Variants in PAM observed in about 807,000 individuals in gnomAD.
The protein encoded by PAM is peptidyl-glycine alpha-amidating monooxygenase.
A neutral mutation model predicts 122.1 loss-of-function variants in PAM; 72 were observed. That is an observed-to-expected ratio of 0.59 (90% CI 0.49 to 0.72). The LOEUF is 0.72. Ranked by LOEUF, PAM falls within the 30% of genes least tolerant of loss-of-function variation. The probability of loss-of-function intolerance (pLI) is 0.00; values close to 1 mark genes in which losing one functional copy is unlikely to be tolerated. For missense variants in PAM, 1,106 were observed against 1,183.7 expected (o/e 0.93, Z 0.96); for synonymous variants, 389 against 404.4 (o/e 0.96, Z 0.46).
chr5:102,868,498 T>G (rs1406934988), intron 3 of PAM, among the ~76,000 whole-genome samples: 1 of 152,202 alleles, frequency 6.6e-6, no homozygotes, highest in Non-Finnish European at 1.5e-5. Context: ...TGACTTTCCA[T>G]GCATTCAGTT....
At chr5:102,787,741 A>G (rs1760934056) in intron 1 of PAM, among the ~76,000 whole-genome samples, 1 of 152,000 alleles carries the variant, frequency 6.6e-6, no homozygotes, top group East Asian at 1.9e-4. Flanking sequence ...GAGTGAATGG[A>G]AAATCCAACC....
Position 102,973,629 on chromosome 5 carries a change from C to T in PAM, c.1163-487C>T, listed in dbSNP as rs193070696. Among the ~76,000 whole-genome samples, 49 of 152,120 alleles carry T rather than the reference C, an allele frequency of 3.2e-4. 1 individual carries two copies. The highest frequency in any genetic ancestry group is 2.0e-4 in the Admixed American group (3 of 15,270). On this transcript the variant is annotated intron_variant, in intron 14 of 25. Coordinates refer to ENST00000438793, the MANE Select transcript of PAM (RefSeq NM_001177306.2). ...AGGTTTCCCAGTTGTCAAATGGATA[C>T]GTATTTACTTGTGTTTTACAGGAAA...
intron 1 of PAM, among the ~76,000 whole-genome samples, chr5:102,865,086 A>G (rs1248651202): frequency 2.0e-5 from 3 of 152,154 alleles, no homozygotes; most frequent in Non-Finnish European, 2.9e-5. Flanking sequence ...TAAAACTCCA[A>G]ACTTAGGAAA....
intron 3 of PAM, among the ~76,000 whole-genome samples, chr5:102,887,369 A>C (rs758858472): frequency 6.6e-6 from 1 of 151,968 alleles, no homozygotes; most frequent in African/African-American, 2.4e-5. Flanking sequence ...TCATGAGTTG[A>C]AGCAGCCTGA....
At chr5:103,015,962 AT>A (rs1781863378) in intron 21 of PAM, among the ~76,000 whole-genome samples, 1 of 152,232 alleles carries the variant, frequency 6.6e-6, no homozygotes, top group Non-Finnish European at 1.5e-5. Flanking sequence ...TTCTACAACC[AT>A]ATGTTTTACA....
At chr5:102,881,125 T>TACATACACACACACACACACACAC (rs1554098644) in intron 3 of PAM, among the ~76,000 whole-genome samples, 3 of 69,058 alleles carry the variant, frequency 4.3e-5, no homozygotes, top group African/African-American at 2.9e-4. Context: ...ATAATTTTTA[T>TACATACACACACACACACACACAC]ACATACACAC....
At chr5:102,948,786 A>G (rs1002577904) in intron 9 of PAM, among the ~76,000 whole-genome samples, 5 of 152,138 alleles carry the variant, frequency 3.3e-5, no homozygotes, top group African/African-American at 1.2e-4. Context: ...ATAAACTTCT[A>G]CATAGAAAGA....
intron 1 of PAM, among the ~76,000 whole-genome samples, chr5:102,766,370 GC>G (rs920022633): frequency 6.6e-6 from 1 of 152,100 alleles, no homozygotes; most frequent in Non-Finnish European, 1.5e-5. Flanking sequence ...ACATCATCAG[GC>G]ATTAGATTCT....
intron 1 of PAM, among the ~76,000 whole-genome samples, chr5:102,792,760 C>A (rs561472180): frequency 6.6e-6 from 1 of 152,260 alleles, no homozygotes; most frequent in Non-Finnish European, 1.5e-5. Flanking sequence ...GGTTTTCTTA[C>A]AAATCAGAAT....
chr5:102,775,974 C>A (rs118085962), intron 1 of PAM, among the ~76,000 whole-genome samples: 5,855 of 152,232 alleles, frequency 0.038, 254 homozygotes, highest in South Asian at 0.14. Flanking sequence ...AAAAACATTC[C>A]TATTTCTCCA....
At chr5:102,834,637 G>A (rs1776412729) in intron 1 of PAM, among the ~76,000 whole-genome samples, 1 of 152,070 alleles carries the variant, frequency 6.6e-6, no homozygotes, top group Non-Finnish European at 1.5e-5. Flanking sequence ...AGTGAGAGAG[G>A]AAACCACATG....
chr5:102,838,233 C>T (rs774119794), intron 1 of PAM: 1 of 151,894 alleles, frequency 6.6e-6, no homozygotes, highest in Admixed American at 6.6e-5. Context: ...TCTTTTAAGT[C>T]TGCATGTGAT....
chr5:102,793,683 C>A (rs950995399), intron 1 of PAM, among the ~76,000 whole-genome samples: 1 of 152,016 alleles, frequency 6.6e-6, no homozygotes, highest in Non-Finnish European at 1.5e-5. Context: ...ATAGAAATAT[C>A]CCTGGTCATT....
chr5:103,019,097 C>T (rs1782844605), intron 22 of PAM, among the ~76,000 whole-genome samples: 1 of 151,996 alleles, frequency 6.6e-6, no homozygotes, highest in African/African-American at 2.4e-5. Context: ...TTTATACCAC[C>T]CTAGTGGTTT....
intron 1 of PAM, among the ~76,000 whole-genome samples, chr5:102,801,191 G>A (rs1764616950): frequency 6.6e-6 from 1 of 151,858 alleles, no homozygotes; most frequent in South Asian, 2.1e-4. Context: ...TGATACTGAA[G>A]CTGAGCTATT....
intron 15 of PAM, among the ~76,000 whole-genome samples, chr5:102,987,325 G>C (rs1424943244): frequency 6.6e-6 from 1 of 152,074 alleles, no homozygotes; most frequent in Non-Finnish European, 1.5e-5. Flanking sequence ...ACTCATATGT[G>C]GAAGCTTAAA....
chr5:102,904,949 G>A (rs1297087850), intron 4 of PAM, among the ~76,000 whole-genome samples: 1 of 151,540 alleles, frequency 6.6e-6, no homozygotes, highest in Non-Finnish European at 1.5e-5. Context: ...ATTTACATAT[G>A]AGCATATAGC....
intron 3 of PAM, among the ~76,000 whole-genome samples, chr5:102,870,645 A>T (rs1336799179): frequency 6.6e-6 from 1 of 152,232 alleles, no homozygotes; most frequent in Middle Eastern, 3.2e-3. Flanking sequence ...ATTTGAAAAT[A>T]GTTTCCATCC....
chr5:102,925,138 G>A, intron 6 of PAM, 96 bp downstream of exon 6: 1 of 767,038 alleles, frequency 1.3e-6, no homozygotes, highest in Non-Finnish European at 2.4e-6. Context: ...AGTGTTGACA[G>A]TGTTCTGTAT....
Sources: allele counts gnomAD v4.1 joint callset (sites outside exome capture counted in the v4.1 genomes callset), GRCh38; gene constraint gnomAD v4.1.1; transcripts MANE v1.5; gene names NCBI Gene and HGNC (gene_info 2026-07-23, HGNC 2026-07-21).